RAB5B: variants seen among roughly 807,000 people sequenced by gnomAD.
RAB5B encodes the protein RAB5B, member RAS oncogene family, also known as ras-related protein Rab-5B.
A neutral mutation model predicts 28.6 loss-of-function variants in RAB5B; 11 were observed. That is an observed-to-expected ratio of 0.38 (90% CI 0.24 to 0.64). RAB5B has a LOEUF of 0.64. RAB5B is among the 30% of genes least tolerant of loss of function. The probability of loss-of-function intolerance (pLI) is 0.53; values close to 1 mark genes in which losing one functional copy is unlikely to be tolerated. For synonymous variants in RAB5B, 93 were observed against 97.9 expected, an observed-to-expected ratio of 0.95 and a Z score of 0.29; for missense variants, 169 against 265.6, an observed-to-expected ratio of 0.64 and a Z score of 2.53.
At chr12:55,989,852 C>G in intron 2 of RAB5B, 95 bp from the exon 3 acceptor site, 1 of 1,418,364 alleles carries the variant, frequency 7.1e-7, no homozygotes, top group South Asian at 1.2e-5. Context: ...GGTGACTGGT[C>G]TTAGTGTAGG....
Position 55,991,452 on chromosome 12 carries a change from A to C in RAB5B, c.531A>C (p.Ile177=), listed in dbSNP as rs762100341. Residue 177 remains isoleucine (I), a splice_region_variant and synonymous_variant, in exon 5 of 6, where the codon ATA becomes ATC. Transcript: ENST00000360299. The part of the protein sequence containing the change: ...AMNVNDLFLA[I]AKKLPKSEPQ... The stretch of plus-strand genomic sequence containing the variant: ...ACGTGAATGATCTCTTCCTGGCAAT[A>C]GGTAAGGTCAGAACATCCTGAGGTC... 6.2e-7 allele frequency: 1 copy of C among 1,611,546 alleles called. No homozygotes were observed. Among genetic ancestry groups the C allele is most frequent in the East Asian group, 2.2e-5 (1 of 44,862 alleles).
intron 1 of RAB5B, chr12:55,980,412 G>A: frequency 1.3e-6 from 2 of 1,564,750 alleles, no homozygotes; most frequent in Non-Finnish European, 8.8e-7. Flanking sequence ...GGGGAGGCAA[G>A]AAAGGGTCCT....
rs1215336380 is a variant in RAB5B at position 55,993,531 on chromosome 12, T to G, written c.*1319T>G. 2 of 152,696 alleles carry G rather than the reference T, an allele frequency of 1.3e-5. No individual in the cohort carries two copies. The highest frequency in any genetic ancestry group is 2.4e-5 in the African/African-American group (1 of 41,458). The allele number at this position is 152,696 out of a possible 1,614,324, so 9.5% of individuals were successfully genotyped here. A position where few individuals can be genotyped will look rare whatever the true frequency, so the allele number is the denominator to read the frequency against. ...AGGAGTTTTCTGTCCTTTCCCAGGT[T>G]TCACACTCAATTTGATATCCATTAC... On this transcript the variant is annotated 3_prime_UTR_variant, in exon 6 of 6. Transcript: ENST00000360299.
chr12:55,991,234 C>G, intron 4 of RAB5B, 126 bp from the exon 5 acceptor site: 1 of 673,314 alleles, frequency 1.5e-6, no homozygotes, highest in Non-Finnish European at 2.7e-6. Context: ...CTAGCTGGCT[C>G]AAAGGGGTAT....
At position 55,996,170 on chromosome 12, in the gene RAB5B, C is replaced by G. The variant is rs1040309904; in HGVS notation, c.*3958C>G. ...CCTTATATCTCTTGGTAATACCCCC[C>G]ACCCCCGTTCCCTGATTCCTGGTAA... On this transcript the variant is annotated 3_prime_UTR_variant, in exon 6 of 6. Coordinates refer to ENST00000360299, the MANE Select transcript of RAB5B (RefSeq NM_002868.4). 1.3e-5 allele frequency: 2 copies of G among 151,284 alleles called. No individual in the cohort carries two copies. The highest frequency in any genetic ancestry group is 2.9e-5 in the Non-Finnish European group (2 of 67,934). 9.4% of individuals were successfully genotyped at this position (151,284 alleles called of 1,614,324 possible). A position where few individuals can be genotyped will look rare whatever the true frequency, so the allele number is the denominator to read the frequency against.
chr12:55,991,047 A>G, intron 4 of RAB5B: 1 of 545,874 alleles, frequency 1.8e-6, no homozygotes, highest in East Asian at 3.2e-5. Flanking sequence ...TACCAGTGTG[A>G]AAACAGGAAG....
intron 1 of RAB5B, 43 bp downstream of exon 1, chr12:55,974,182 C>T (rs80223410): frequency 0.098 from 14,942 of 152,984 alleles, 966 homozygotes; most frequent in Middle Eastern, 0.16. Flanking sequence ...CGGAAGCGCC[C>T]GGGAGATGAG....
chr12:55,983,673 T>TTC (rs1889871240), intron 1 of RAB5B, among the ~76,000 whole-genome samples: 1 of 146,198 alleles, frequency 6.8e-6, no homozygotes, highest in Non-Finnish European at 1.5e-5. Flanking sequence ...TTTTTTTTTT[T>TTC]TCCAGAGATA....
intron 1 of RAB5B, among the ~76,000 whole-genome samples, chr12:55,985,374 T>A (rs1031999938): frequency 6.6e-6 from 1 of 152,326 alleles, no homozygotes; most frequent in South Asian, 2.1e-4. Context: ...GTGAAGTCAC[T>A]AGGATCTGCT....
intron 1 of RAB5B, among the ~76,000 whole-genome samples, chr12:55,981,556 A>G (rs1393187577): frequency 1.3e-5 from 2 of 152,152 alleles, no homozygotes; most frequent in South Asian, 4.1e-4. Flanking sequence ...TGGAGACTTC[A>G]TATGTATTTG....
At chr12:55,991,694 C>T (rs900702206) in intron 5 of RAB5B, 28 of 450,008 alleles carry the variant, frequency 6.2e-5, no homozygotes, top group African/African-American at 3.8e-4. Flanking sequence ...TTTGGGAGGC[C>T]GAGGCGGGCG....
In RAB5B at chr12:55,996,003, A is replaced by ATATATATATATTTTT; in HGVS notation, c.*3792_*3793insATATATATATTTTTT. The ATATATATATATTTTT allele has an allele frequency of 8.2e-4, 80 of 97,364 alleles. No individual in the cohort carries two copies. The highest frequency in any genetic ancestry group is 1.2e-3 in the Non-Finnish European group (61 of 50,448). 6.0% of individuals were successfully genotyped at this position (97,364 alleles called of 1,614,324 possible). ...TATATACATATATATATATATATAT[A>ATATATATATATTTTT]TTTTTTTTTTAACAACTGGTAGGAT... On this transcript the variant is annotated 3_prime_UTR_variant, in exon 6 of 6. Coordinates refer to ENST00000360299, the MANE Select transcript of RAB5B (RefSeq NM_002868.4).
chr12:55,983,072 CTCTTT>C (rs1484289060), intron 1 of RAB5B, among the ~76,000 whole-genome samples: 2 of 151,542 alleles, frequency 1.3e-5, no homozygotes, highest in Non-Finnish European at 2.9e-5. Flanking sequence ...CACCTGTCTT[CTCTTT>C]TATTTATTTT....
At position 55,978,102 on chromosome 12, in the gene RAB5B, G is replaced by A. The variant is rs772644104; in HGVS notation, c.-93+3963G>A. On this transcript the variant is annotated intron_variant, in intron 1 of 5. Transcript: ENST00000360299. ...GACAGGAAAAGCAGTTAGCCCATGCGAGTTGCAATAGTACCTTGTGGGCAA... is the reference window on the plus strand; with the variant it reads ...GACAGGAAAAGCAGTTAGCCCATGCAAGTTGCAATAGTACCTTGTGGGCAA... Among the ~76,000 whole-genome samples, 40 of 152,312 alleles carry A rather than the reference G, an allele frequency of 2.6e-4. 1 individual carries two copies. The highest frequency in any genetic ancestry group is 6.8e-3 in the Middle Eastern group (2 of 294).
In RAB5B at chr12:55,996,168, C is replaced by G. The variant is rs915566083; in HGVS notation, c.*3956C>G. 17 of 151,162 alleles carry G rather than the reference C, an allele frequency of 1.1e-4. No individual in the cohort carries two copies. Among genetic ancestry groups the G allele is most frequent in the African/African-American group, 3.9e-4 (16 of 40,974 alleles). 9.4% of individuals were successfully genotyped at this position (151,162 alleles called of 1,614,324 possible). A position where few individuals can be genotyped will look rare whatever the true frequency, so the allele number is the denominator to read the frequency against. On this transcript the variant is annotated 3_prime_UTR_variant, in exon 6 of 6. Transcript: ENST00000360299. Reference sequence around the variant, plus strand: ...TACCTTATATCTCTTGGTAATACCCCCCACCCCCGTTCCCTGATTCCTGGT... The same window carrying G: ...TACCTTATATCTCTTGGTAATACCCGCCACCCCCGTTCCCTGATTCCTGGT...
chr12:55,991,342 AC>A lies in RAB5B; in HGVS notation c.439-17del. On this transcript the variant is annotated splice_polypyrimidine_tract_variant and intron_variant, in intron 4 of 5. Coordinates refer to ENST00000360299, the MANE Select transcript of RAB5B (RefSeq NM_002868.4). ...CCCACCCTACATTCTGAGCACTAAT[AC>A]ATCCCACTCCTTGCAGGAGGCCCAG... is the stretch of plus-strand genomic sequence containing the variant. The A allele has an allele frequency of 6.3e-7, 1 of 1,592,566 alleles. No homozygotes were observed.
chr12:55,982,626 C>T (rs141933026), intron 1 of RAB5B, among the ~76,000 whole-genome samples: 17 of 152,198 alleles, frequency 1.1e-4, no homozygotes, highest in African/African-American at 4.1e-4. Flanking sequence ...TATTAGGGTA[C>T]GAGGTAGTCT....
At position 55,990,047 on chromosome 12, in the gene RAB5B, G is replaced by GT; in HGVS notation, c.265dup (p.Tyr89LeufsTer16). 1 of 1,614,152 alleles carries GT rather than the reference G, an allele frequency of 6.2e-7. No homozygotes were observed. Among genetic ancestry groups the GT allele is most frequent in the South Asian group, 1.1e-5 (1 of 91,078 alleles). On this transcript the variant is annotated frameshift_variant, in exon 3 of 6. Coordinates refer to ENST00000360299, the MANE Select transcript of RAB5B (RefSeq NM_002868.4). LOFTEE classifies it high-confidence loss of function. ...AGCGATATCACAGCTTAGCCCCCAT[G>GT]TACTACAGGGGTGCCCAAGCTGCAA...
chr12:55,980,923 G>C, intron 1 of RAB5B: 2 of 1,613,258 alleles, frequency 1.2e-6, no homozygotes, highest in Non-Finnish European at 1.7e-6. Context: ...TGGTGGAGAT[G>C]TAAGTGTTGT....
Sources: allele counts gnomAD v4.1 joint callset (sites outside exome capture counted in the v4.1 genomes callset), GRCh38; gene constraint gnomAD v4.1.1; transcripts MANE v1.5; gene names NCBI Gene and HGNC (gene_info 2026-07-23, HGNC 2026-07-21).